Variants in ENPP2 observed in about 807,000 individuals in gnomAD.
ENPP2 encodes ectonucleotide pyrophosphatase/phosphodiesterase 2, also known as autotaxin.
In ENPP2, 51 loss-of-function variants were observed where a neutral mutation model predicts 120.2. The ratio of observed to expected loss-of-function variants is 0.42; its 90% CI spans 0.34 to 0.54. ENPP2 has a LOEUF of 0.54. Ranked by LOEUF, ENPP2 falls within the 20% of genes least tolerant of loss-of-function variation. The pLI, the probability that ENPP2 is intolerant of heterozygous loss-of-function variation, is 0.04. For missense variants in ENPP2, 920 were observed against 1,066.5 expected (o/e 0.86, Z 1.91); for synonymous variants, 365 against 366.4 (o/e 1.00, Z 0.04).
intron 24 of ENPP2, among the ~76,000 whole-genome samples, chr8:119,561,907 G>C (rs1173836406): frequency 6.6e-6 from 1 of 152,112 alleles, no homozygotes; most frequent in African/African-American, 2.4e-5. Context: ...GGGAGGCCAA[G>C]GTGGGTGGAT....
chr8:119,652,306 C>T (rs1359350083), intron 1 of ENPP2, among the ~76,000 whole-genome samples: 1 of 152,064 alleles, frequency 6.6e-6, no homozygotes, highest in Non-Finnish European at 1.5e-5. Context: ...ATATCATCAC[C>T]TTGGGAGTTA....
chr8:119,658,275 T>C (rs1432333193), intron 1 of ENPP2, among the ~76,000 whole-genome samples: 1 of 152,166 alleles, frequency 6.6e-6, no homozygotes, highest in African/African-American at 2.4e-5. Flanking sequence ...GGCTTCTGTT[T>C]TTGTTGTTCT....
At chr8:119,619,575 GT>G (rs1270539406) in intron 4 of ENPP2, among the ~76,000 whole-genome samples, 1 of 152,068 alleles carries the variant, frequency 6.6e-6, no homozygotes, top group Non-Finnish European at 1.5e-5. Flanking sequence ...AAAAAAACCA[GT>G]GGCGTCAGTG....
chr8:119,621,278 C>T, intron 4 of ENPP2, 116 bp downstream of exon 4: 1 of 863,220 alleles, frequency 1.2e-6, no homozygotes, highest in Non-Finnish European at 1.9e-6. Context: ...AAGGACAATT[C>T]ATTCCTTCCT....
At chr8:119,618,288 C>G (rs1587494595) in intron 5 of ENPP2, 1 of 499,438 alleles carries the variant, frequency 2.0e-6, no homozygotes. Context: ...ATGAGTGTAT[C>G]CTCTCCCCAG....
At chr8:119,596,914 C>T (rs1214899976) in intron 11 of ENPP2, among the ~76,000 whole-genome samples, 1 of 151,926 alleles carries the variant, frequency 6.6e-6, no homozygotes, top group East Asian at 1.9e-4. Flanking sequence ...GGAGGAAAAA[C>T]AGGCCCCTGA....
intron 1 of ENPP2, among the ~76,000 whole-genome samples, chr8:119,649,804 A>G (rs1034472859): frequency 1.3e-5 from 2 of 152,240 alleles, no homozygotes; most frequent in African/African-American, 2.4e-5. Context: ...TAAGCAAATG[A>G]AAGTTTGTTC....
At chr8:119,564,683 A>AAAAAT in intron 23 of ENPP2, 140 bp downstream of exon 23, 2 of 328,220 alleles carry the variant, frequency 6.1e-6, no homozygotes, top group Non-Finnish European at 1.0e-5. Context: ...GTCTCAAAAA[A>AAAAAT]ATATATATAT....
At chr8:119,647,313 A>G (rs17215053) in intron 1 of ENPP2, among the ~76,000 whole-genome samples, 11,254 of 152,112 alleles carry the variant, frequency 0.074, 593 homozygotes, top group Middle Eastern at 0.18. Flanking sequence ...ACCTCTTTTA[A>G]GGCAGCTCCA....
intron 22 of ENPP2, among the ~76,000 whole-genome samples, chr8:119,566,970 T>A (rs1483336044): frequency 6.6e-6 from 1 of 152,170 alleles, no homozygotes; most frequent in African/African-American, 2.4e-5. Flanking sequence ...CAAATAAACA[T>A]TTTTTTCTCT....
chr8:119,654,288 A>T (rs1033098314), intron 1 of ENPP2, among the ~76,000 whole-genome samples: 3 of 141,636 alleles, frequency 2.1e-5, no homozygotes, highest in Non-Finnish European at 3.0e-5. Context: ...TACCAATATT[A>T]TATAGATGTA....
chr8:119,666,261 C>T (rs1818065506), intron 1 of ENPP2, among the ~76,000 whole-genome samples: 1 of 152,024 alleles, frequency 6.6e-6, no homozygotes, highest in African/African-American at 2.4e-5. Flanking sequence ...GCATCCATCA[C>T]TCATATAATG....
chr8:119,559,265 G>A (rs945495878), intron 24 of ENPP2, among the ~76,000 whole-genome samples: 1 of 152,158 alleles, frequency 6.6e-6, no homozygotes, highest in African/African-American at 2.4e-5. Context: ...GCAAGCATGA[G>A]CCTGTATTTT....
chr8:119,603,558 T>A (rs1181651642), intron 9 of ENPP2, among the ~76,000 whole-genome samples: 5 of 152,170 alleles, frequency 3.3e-5, no homozygotes, highest in Non-Finnish European at 7.3e-5. Flanking sequence ...TTGATGCCTC[T>A]GGAAAACGAG....
intron 9 of ENPP2, among the ~76,000 whole-genome samples, chr8:119,601,789 C>T (rs1814329889): frequency 1.3e-5 from 2 of 152,120 alleles, no homozygotes; most frequent in South Asian, 2.1e-4. Context: ...TTTATTCTGT[C>T]GAGCCTTTAG....
At position 119,663,785 on chromosome 8, in the gene ENPP2, G is replaced by A. The variant is rs79190588; in HGVS notation, c.21+9467C>T. Among the ~76,000 whole-genome samples, 1,006 of 152,328 alleles carry A rather than the reference G, an allele frequency of 6.6e-3. 34 individuals carry two copies. In the South Asian group the frequency reaches 0.091, roughly 14 times the overall value. ...CTTAGGTCACCCAAGGGAAAAGTACGATAATCTTGCATTTGTACCTGCTGA... is the reference window on the plus strand; with the variant it reads ...CTTAGGTCACCCAAGGGAAAAGTACAATAATCTTGCATTTGTACCTGCTGA... On this transcript the variant is annotated intron_variant, in intron 1 of 25. Transcript: ENST00000427067.
chr8:119,648,892 G>C (rs987045016), intron 1 of ENPP2, among the ~76,000 whole-genome samples: 7 of 152,048 alleles, frequency 4.6e-5, no homozygotes, highest in African/African-American at 1.7e-4. Flanking sequence ...AGGCAAATAA[G>C]TAAATAAATG....
At chr8:119,630,571 G>A (rs1478231305) in intron 2 of ENPP2, among the ~76,000 whole-genome samples, 3 of 151,832 alleles carry the variant, frequency 2.0e-5, no homozygotes, top group Non-Finnish European at 4.4e-5. Context: ...CTTAATAGTC[G>A]GTCCCTATCA....
intron 9 of ENPP2, among the ~76,000 whole-genome samples, chr8:119,604,632 A>T (rs1010717285): frequency 1.3e-5 from 2 of 152,226 alleles, no homozygotes; most frequent in Non-Finnish European, 2.9e-5. Flanking sequence ...CTAGTAAAGG[A>T]GAGCAAATTA....
Sources: gnomAD v4.1 joint callset for allele counts (sites outside exome capture counted in the v4.1 genomes callset) on GRCh38, gnomAD v4.1.1 for gene constraint, MANE v1.5 for transcripts, NCBI Gene and HGNC (gene_info 2026-07-23, HGNC 2026-07-21) for gene names.